The following PJA2 variants were observed in gnomAD, a reference collection of about 807,000 sequenced individuals.
PJA2 encodes the protein praja ring finger ubiquitin ligase 2.
PJA2 carries 25 observed loss-of-function variants against 69.3 expected under a neutral mutation model. The ratio of observed to expected loss-of-function variants is 0.36; its 90% CI spans 0.26 to 0.50. The LOEUF (loss-of-function observed/expected upper bound fraction) is 0.50. Among genes scored for constraint, PJA2 ranks in the 20% least tolerant of loss-of-function variants. The pLI is 0.96. For synonymous variants in PJA2, 308 were observed against 277.8 expected, an observed-to-expected ratio of 1.11 and a Z score of -1.08; for missense variants, 809 against 830.2, an observed-to-expected ratio of 0.97 and a Z score of 0.31.
intron 1 of PJA2, among the ~76,000 whole-genome samples, chr5:109,399,306 C>T (rs944319388): frequency 2.0e-5 from 3 of 151,894 alleles, no homozygotes; most frequent in South Asian, 2.1e-4. Flanking sequence ...AGACAAAGGG[C>T]TTGTGTAACA....
intron 1 of PJA2, among the ~76,000 whole-genome samples, chr5:109,404,349 C>T (rs377447749): frequency 1.3e-5 from 2 of 151,504 alleles, no homozygotes; most frequent in African/African-American, 2.4e-5. Flanking sequence ...GGTAAAACCC[C>T]GTCTCTACTA....
intron 3 of PJA2, among the ~76,000 whole-genome samples, chr5:109,380,671 G>C (rs961875345): frequency 6.6e-6 from 1 of 151,826 alleles, no homozygotes; most frequent in Non-Finnish European, 1.5e-5. Flanking sequence ...TAGGCGTGGA[G>C]GCGCATGCCT....
intron 1 of PJA2, among the ~76,000 whole-genome samples, chr5:109,400,205 C>T (rs1007839685): frequency 6.6e-6 from 1 of 151,310 alleles, no homozygotes; most frequent in Non-Finnish European, 1.5e-5. Flanking sequence ...TACGGAGAAT[C>T]GCTTGAAGTC....
chr5:109,340,067 A>C (rs1348227082), intron 9 of PJA2, among the ~76,000 whole-genome samples: 1 of 152,206 alleles, frequency 6.6e-6, no homozygotes, highest in African/African-American at 2.4e-5. Context: ...ATACTCCTCA[A>C]ATAATACACA....
chr5:109,378,201 T>G lies in PJA2; in HGVS notation c.1283+3A>C, dbSNP rs767427068. ...TCGGAAAAAGTACTGGATGTGACCT[T>G]ACCTATCTTCATCTTTGTCATAGAG... is the stretch of plus-strand genomic sequence containing the variant. On this transcript the variant is annotated splice_donor_region_variant and intron_variant, in intron 4 of 9. Transcript: ENST00000361189. The G allele has an allele frequency of 6.2e-7, 1 of 1,604,416 alleles. No individual in the cohort carries two copies. The highest frequency in any genetic ancestry group is 8.5e-7 in the Non-Finnish European group (1 of 1,173,836).
chr5:109,378,143 T>C, intron 4 of PJA2, 61 bp downstream of exon 4: 3 of 1,225,948 alleles, frequency 2.4e-6, no homozygotes, highest in Non-Finnish European at 2.3e-6. Context: ...TCAAACATGG[T>C]TCTAGAAAGA....
intron 7 of PJA2, among the ~76,000 whole-genome samples, chr5:109,351,507 T>C (rs919011951): frequency 2.0e-5 from 3 of 152,140 alleles, no homozygotes; most frequent in African/African-American, 7.2e-5. Context: ...CGAAGAAGTA[T>C]GATAAAATAA....
chr5:109,345,590 T>G (rs1419389960), intron 7 of PJA2, among the ~76,000 whole-genome samples: 1 of 151,934 alleles, frequency 6.6e-6, no homozygotes, highest in Non-Finnish European at 1.5e-5. Flanking sequence ...AAGGAGTGGT[T>G]ACTTTTTCCA....
At chr5:109,380,518 G>A (rs2127007405) in intron 3 of PJA2, among the ~76,000 whole-genome samples, 1 of 152,210 alleles carries the variant, frequency 6.6e-6, no homozygotes, top group East Asian at 1.9e-4. Context: ...ATTAAAAGAA[G>A]AAAAGTTGGC....
intron 1 of PJA2, among the ~76,000 whole-genome samples, chr5:109,398,839 A>G (rs764485115): frequency 3.3e-5 from 5 of 152,166 alleles, no homozygotes; most frequent in Non-Finnish European, 7.4e-5. Context: ...AACAGTTTAT[A>G]GTCCAGGCTC....
rs534949229 is a variant in PJA2, at chr5:109,400,252, C to G, written c.-88+9590G>C. 4.4e-3 allele frequency among the ~76,000 whole-genome samples: 668 copies of G among 150,926 alleles called. 4 individuals are homozygous for G. The highest frequency in any genetic ancestry group is 0.016 in the African/African-American group (640 of 40,960). ...GTTGCAGTGAGCCAAGATCACACCA[C>G]TGCACTCCAGTCTGGGTGATGGACT... On this transcript the variant is annotated intron_variant, in intron 1 of 9. Transcript: ENST00000361189.
chr5:109,350,064 C>T (rs1762224888), intron 7 of PJA2, among the ~76,000 whole-genome samples: 1 of 152,140 alleles, frequency 6.6e-6, no homozygotes, highest in South Asian at 2.1e-4. Flanking sequence ...GGAGGTTATT[C>T]CAGGCTAATT....
At chr5:109,362,421 A>G (rs931546147) in intron 6 of PJA2, among the ~76,000 whole-genome samples, 1 of 151,420 alleles carries the variant, frequency 6.6e-6, no homozygotes, top group African/African-American at 2.4e-5. Context: ...TACATAGAGA[A>G]GGAAAAGGAA....
intron 5 of PJA2, 59 bp from the exon 6 acceptor site, chr5:109,363,081 G>C (rs1216830754): frequency 7.1e-7 from 1 of 1,400,818 alleles, no homozygotes; most frequent in Admixed American, 2.0e-5. Flanking sequence ...CCATAACACT[G>C]TCTTTAATTC....
intron 1 of PJA2, 49 bp from the exon 2 acceptor site, chr5:109,383,569 T>C (rs1046157556): frequency 1.9e-5 from 12 of 641,082 alleles, no homozygotes; most frequent in South Asian, 4.6e-5. Context: ...AGCACAAAAA[T>C]AGCAAAACTG....
intron 1 of PJA2, among the ~76,000 whole-genome samples, chr5:109,404,826 T>C (rs540365603): frequency 6.6e-6 from 1 of 152,210 alleles, no homozygotes; most frequent in Non-Finnish European, 1.5e-5. Flanking sequence ...ATTCAAGCTA[T>C]AGCACCACTC....
rs1212120759 is a variant in PJA2, at chr5:109,399,032, T to C, written c.-88+10810A>G. 3.9e-5 allele frequency among the ~76,000 whole-genome samples: 6 copies of C among 152,034 alleles called. No homozygotes were observed. The South Asian group carries it at 6.2e-4, about 16-fold the overall frequency. ...TTCGAGACCAGCCTGGCCAACATGG[T>C]GAAACCCCATCTCTACTAAAAACAC... is the stretch of plus-strand genomic sequence containing the variant. On this transcript the variant is annotated intron_variant, in intron 1 of 9. Transcript: ENST00000361189.
intron 1 of PJA2, among the ~76,000 whole-genome samples, chr5:109,393,879 T>C (rs538638525): frequency 8.9e-4 from 136 of 152,264 alleles, no homozygotes; most frequent in Non-Finnish European, 1.7e-3. Flanking sequence ...ATGCTGTATG[T>C]TCCATTTTTA....
rs193235065 is a variant in PJA2, at chr5:109,362,476, T to C, written c.1652+364A>G. Among the ~76,000 whole-genome samples the C allele has an allele frequency of 2.8e-4, 43 of 152,326 alleles. No homozygotes were observed. The East Asian group carries it at 7.7e-3, about 27-fold the overall frequency. ...TTCTTATTGTTTTCTGATTCAACCA[T>C]AGGTTTTAAAATTGAAGTGGTATTC... On this transcript the variant is annotated intron_variant, in intron 6 of 9. Transcript: ENST00000361189.
Sources: gnomAD v4.1 joint callset for allele counts (sites outside exome capture counted in the v4.1 genomes callset) on GRCh38, gnomAD v4.1.1 for gene constraint, MANE v1.5 for transcripts, NCBI Gene and HGNC (gene_info 2026-07-23, HGNC 2026-07-21) for gene names.